BACH2: variants seen among roughly 807,000 people sequenced by gnomAD.
BACH2 encodes the protein BACH transcriptional regulator 2.
Under a neutral mutation model 61.8 loss-of-function variants are expected in BACH2, and 5 were observed. That is an observed-to-expected ratio of 0.08 (90% CI 0.04 to 0.17). BACH2 has a LOEUF of 0.17. BACH2 is among the 10% of genes least tolerant of loss of function. The probability of loss-of-function intolerance (pLI) is 1.00; values close to 1 mark genes in which losing one functional copy is unlikely to be tolerated. For missense variants in BACH2, 824 were observed against 1,091.1 expected (o/e 0.76, Z 3.45); for synonymous variants, 446 against 440.1 (o/e 1.01, Z -0.17).
At chr6:89,962,926 C>A (rs1197585543) in intron 6 of BACH2, among the ~76,000 whole-genome samples, 1 of 152,030 alleles carries the variant, frequency 6.6e-6, no homozygotes, top group Non-Finnish European at 1.5e-5. Context: ...AGTAAAAAGG[C>A]AACTCATGGA....
At chr6:90,262,207 T>G (rs1771182448) in intron 2 of BACH2, among the ~76,000 whole-genome samples, 1 of 152,230 alleles carries the variant, frequency 6.6e-6, no homozygotes, top group Non-Finnish European at 1.5e-5. Context: ...TTATTTGAAA[T>G]TCATACAATG....
At chr6:90,142,646 C>G (rs185934456) in intron 4 of BACH2, among the ~76,000 whole-genome samples, 2 of 151,986 alleles carry the variant, frequency 1.3e-5, no homozygotes, top group African/African-American at 4.8e-5. Context: ...CCAAACAAAA[C>G]CCCCTTCTTG....
chr6:90,035,322 A>C (rs552401411), intron 5 of BACH2, among the ~76,000 whole-genome samples: 44 of 152,232 alleles, frequency 2.9e-4, no homozygotes, highest in African/African-American at 9.9e-4. Context: ...ACCTAGCTAG[A>C]AATTTATGGC....
At chr6:90,154,212 G>A (rs1784915291) in intron 4 of BACH2, among the ~76,000 whole-genome samples, 1 of 152,134 alleles carries the variant, frequency 6.6e-6, no homozygotes, top group Admixed American at 6.5e-5. Context: ...GCAAAAAAGT[G>A]CCAGAAGTAG....
intron 4 of BACH2, among the ~76,000 whole-genome samples, chr6:90,100,022 C>A (rs181077215): frequency 5.9e-5 from 9 of 152,080 alleles, no homozygotes; most frequent in African/African-American, 2.4e-5. Flanking sequence ...TAAATGGAAT[C>A]ATCTATTATG....
At chr6:90,241,099 C>G (rs558986389) in intron 3 of BACH2, among the ~76,000 whole-genome samples, 2 of 144,790 alleles carry the variant, frequency 1.4e-5, no homozygotes, top group African/African-American at 5.2e-5. Flanking sequence ...CGCCCCACTG[C>G]ACTCCAGCCT....
intron 4 of BACH2, among the ~76,000 whole-genome samples, chr6:90,158,338 G>C (rs1293576143): frequency 6.6e-6 from 1 of 152,162 alleles, no homozygotes; most frequent in Non-Finnish European, 1.5e-5. Context: ...GCACAATGTA[G>C]TGTGACTATC....
chr6:90,098,862 G>A (rs964607905), intron 4 of BACH2, among the ~76,000 whole-genome samples: 6 of 152,014 alleles, frequency 3.9e-5, no homozygotes, highest in African/African-American at 7.3e-5. Flanking sequence ...CTGTCAACAC[G>A]GCTAGGCCTC....
chr6:90,267,189 T>C (rs1582549814), intron 2 of BACH2, among the ~76,000 whole-genome samples: 1 of 152,000 alleles, frequency 6.6e-6, no homozygotes, highest in East Asian at 1.9e-4. Flanking sequence ...ACAAATAATA[T>C]AAACCCCAAC....
intron 5 of BACH2, among the ~76,000 whole-genome samples, chr6:90,029,121 G>A (rs1398566859): frequency 1.3e-5 from 2 of 151,908 alleles, no homozygotes. Flanking sequence ...AGACTCTCCC[G>A]GCCTGCTTCC....
chr6:90,282,162 G>GT lies in BACH2; in HGVS notation c.-445-10222dup, dbSNP rs199966930. On this transcript the variant is annotated intron_variant, in intron 1 of 8. Transcript: ENST00000257749. ...TGCTTCTTTGAATATGTTTGTCCATGTTTTTTCTTTTAAGTTCAGGGGTAT... is the reference window on the plus strand; with the variant it reads ...TGCTTCTTTGAATATGTTTGTCCATGTTTTTTTCTTTTAAGTTCAGGGGTAT... 8.0e-4 allele frequency among the ~76,000 whole-genome samples: 122 copies of GT among 152,252 alleles called. 2 individuals are homozygous for GT. The East Asian group carries it at 0.021, about 26-fold the overall frequency.
chr6:90,074,652 T>C (rs1781391064), intron 5 of BACH2, among the ~76,000 whole-genome samples: 1 of 152,184 alleles, frequency 6.6e-6, no homozygotes, highest in African/African-American at 2.4e-5. Flanking sequence ...ATGCTTTCCT[T>C]GGAAGAGACT....
In BACH2 at chr6:90,000,647, T is replaced by C. The variant is rs1777088218; in HGVS notation, c.243+7955A>G. Among the ~76,000 whole-genome samples, 3 of 152,234 alleles carry C rather than the reference T, an allele frequency of 2.0e-5. No individual in the cohort carries two copies. The South Asian group carries it at 6.2e-4, about 32-fold the overall frequency. ...AGCATTGTTACTCCTTGTACACTCATATTGAAATTGAGGTCATTAAATGTG... is the reference window on the plus strand; with the variant it reads ...AGCATTGTTACTCCTTGTACACTCACATTGAAATTGAGGTCATTAAATGTG... On this transcript the variant is annotated intron_variant, in intron 6 of 8. Coordinates refer to ENST00000257749, the MANE Select transcript of BACH2 (RefSeq NM_021813.4).
chr6:90,195,479 C>G (rs765610712), intron 4 of BACH2, among the ~76,000 whole-genome samples: 7 of 152,176 alleles, frequency 4.6e-5, no homozygotes, highest in Non-Finnish European at 7.3e-5. Context: ...TCCTGTTCCT[C>G]TGGAGATCCC....
chr6:90,184,281 C>T (rs556447347), intron 4 of BACH2, among the ~76,000 whole-genome samples: 3 of 152,202 alleles, frequency 2.0e-5, no homozygotes, highest in Non-Finnish European at 4.4e-5. Context: ...TCCTCTTTAT[C>T]TAGGGTCCTC....
At chr6:90,064,380 T>C (rs2127799621) in intron 5 of BACH2, among the ~76,000 whole-genome samples, 1 of 152,254 alleles carries the variant, frequency 6.6e-6, no homozygotes, top group South Asian at 2.1e-4. Flanking sequence ...GGCATGGACA[T>C]AGGATGCACA....
At chr6:90,030,065 G>A (rs996591244) in intron 5 of BACH2, among the ~76,000 whole-genome samples, 1 of 152,254 alleles carries the variant, frequency 6.6e-6, no homozygotes, top group Middle Eastern at 3.4e-3. Flanking sequence ...TTGCCCATTG[G>A]CTCTATACAA....
At chr6:90,005,452 C>T (rs1299181210) in intron 6 of BACH2, among the ~76,000 whole-genome samples, 8 of 152,122 alleles carry the variant, frequency 5.3e-5, no homozygotes, top group African/African-American at 1.7e-4. Context: ...AACCAAATGC[C>T]GATTAGTTCC....
chr6:90,269,642 G>C (rs1044758537), intron 2 of BACH2, among the ~76,000 whole-genome samples: 1 of 152,158 alleles, frequency 6.6e-6, no homozygotes, highest in South Asian at 2.1e-4. Context: ...TGAGAAGTCA[G>C]AGAAAATTTA....
Sources: gnomAD v4.1 joint callset for allele counts (sites outside exome capture counted in the v4.1 genomes callset) on GRCh38, gnomAD v4.1.1 for gene constraint, MANE v1.5 for transcripts, NCBI Gene and HGNC (gene_info 2026-07-23, HGNC 2026-07-21) for gene names.